SRSF11: variants seen among roughly 807,000 people sequenced by gnomAD.
SRSF11 encodes the protein serine and arginine rich splicing factor 11.
In SRSF11, 9 loss-of-function variants were observed where a neutral mutation model predicts 56.0. The ratio of observed to expected loss-of-function variants is 0.16; its 90% CI spans 0.10 to 0.28. The LOEUF (loss-of-function observed/expected upper bound fraction) is 0.28. SRSF11 is among the 10% of genes least tolerant of loss of function. SRSF11 has a pLI of 1.00. For missense variants in SRSF11, 421 were observed against 600.7 expected (o/e 0.70, Z 3.13); for synonymous variants, 222 against 215.3 (o/e 1.03, Z -0.27).
intron 2 of SRSF11, chr1:70,229,276 G>T (rs1407417269): frequency 1.6e-6 from 2 of 1,288,756 alleles, no homozygotes; most frequent in East Asian, 5.6e-5. Flanking sequence ...AGCTACAGGG[G>T]ATTCTAGACA....
chr1:70,237,501 A>G lies in SRSF11; in HGVS notation c.667A>G (p.Met223Val), dbSNP rs763296948. ...DTSSKEIEEAMKRVREAQSLI... is the reference protein window; with the variant it reads ...DTSSKEIEEAVKRVREAQSLI... ...CTCTAGTAAAGAAATAGAGGAAGCT[A>G]TGAAAAGAGTACGAGAAGCACAGTC... Residue 223 changes from methionine (M) to valine (V), a missense_variant, in exon 6 of 12, where the codon ATG (methionine) becomes GTG (valine). Coordinates refer to ENST00000370949, the MANE Select transcript of SRSF11 (RefSeq NM_001350605.2). 4 of 1,614,098 alleles carry G rather than the reference A, an allele frequency of 2.5e-6. No individual in the cohort carries two copies.
At chr1:70,248,594 G>A (rs1278987333) in intron 9 of SRSF11, 1 of 151,922 alleles carries the variant, frequency 6.6e-6, no homozygotes. Flanking sequence ...CAGGCCTGAG[G>A]GATAGGTGGC....
At chr1:70,239,686 C>T (rs561135163) in intron 7 of SRSF11, among the ~76,000 whole-genome samples, 166 bp downstream of exon 7, 3 of 152,138 alleles carry the variant, frequency 2.0e-5, no homozygotes, top group African/African-American at 4.8e-5. Context: ...GTAAGAAAAG[C>T]GACAGACGAA....
chr1:70,212,745 A>G lies in SRSF11; in HGVS notation c.-26+6965A>G, dbSNP rs1468662761. On this transcript the variant is annotated intron_variant, in intron 1 of 12. Transcript: ENST00000370950. ...TTTTACAATAATGCTATAAAGTAAG[A>G]CAAGTATTACTATTGTTAGTCATCA... Among the ~76,000 whole-genome samples the G allele has an allele frequency of 2.0e-5, 3 of 152,202 alleles. No homozygotes were observed. The East Asian group carries it at 5.8e-4, about 29-fold the overall frequency.
At chr1:70,211,909 G>A (rs1669590744) in intron 1 of SRSF11, among the ~76,000 whole-genome samples, 1 of 151,926 alleles carries the variant, frequency 6.6e-6, no homozygotes, top group Non-Finnish European at 1.5e-5. Context: ...TGACATTTTT[G>A]CTTTTCTTTT....
intron 7 of SRSF11, 119 bp downstream of exon 7, chr1:70,239,639 G>T: frequency 3.0e-6 from 2 of 665,662 alleles, no homozygotes; most frequent in Non-Finnish European, 5.0e-6. Flanking sequence ...AACCTCTGCT[G>T]TTAGAATGTG....
chr1:70,232,027 T>A, intron 2 of SRSF11: 1 of 1,519,704 alleles, frequency 6.6e-7, no homozygotes, highest in Non-Finnish European at 8.8e-7. Flanking sequence ...TTGTGCTATT[T>A]TTTTTTACTC....
At chr1:70,228,799 C>T in intron 2 of SRSF11, 1 of 1,149,992 alleles carries the variant, frequency 8.7e-7, no homozygotes, top group East Asian at 4.7e-5. Flanking sequence ...TGTTTAAAAC[C>T]ATGTCCCTTA....
intron 1 of SRSF11, among the ~76,000 whole-genome samples, chr1:70,223,399 A>G (rs1481180584): frequency 1.3e-5 from 2 of 152,222 alleles, no homozygotes; most frequent in African/African-American, 4.8e-5. Context: ...TACCTAATGC[A>G]TGACCAGTAT....
upstream of SRSF11, chr1:70,218,806 C>G (rs1379842541): frequency 6.6e-6 from 1 of 152,124 alleles, no homozygotes; most frequent in African/African-American, 2.4e-5. Context: ...TTCACAGATA[C>G]TTATTTATGA....
chr1:70,215,155 C>T (rs1370163659), intron 1 of SRSF11, among the ~76,000 whole-genome samples: 1 of 152,046 alleles, frequency 6.6e-6, no homozygotes, highest in African/African-American at 2.4e-5. Flanking sequence ...ACCTTGGCCT[C>T]CCAAAGTGCT....
chr1:70,216,434 C>CT (rs71921219), upstream of SRSF11, among the ~76,000 whole-genome samples: 584 of 141,586 alleles, frequency 4.1e-3, no homozygotes, highest in Middle Eastern at 0.011. Context: ...GGTTATTTAA[C>CT]TTTTTTTTTT....
intron 6 of SRSF11, among the ~76,000 whole-genome samples, chr1:70,238,444 C>T (rs1404746458): frequency 6.6e-6 from 1 of 152,160 alleles, no homozygotes; most frequent in African/African-American, 2.4e-5. Flanking sequence ...AATGAAATGA[C>T]TTAAATGTAA....
rs1670648064 is a variant in SRSF11, at chr1:70,221,658, C to T, written c.22C>T (p.Pro8Ser). Residue 8 changes from proline to serine, a missense_variant, in exon 1 of 12, where the codon CCC becomes TCC. Pro to Ser is a moderately conservative substitution (Grantham distance 74). Transcript: ENST00000370949. MSNTTVVPSTAGPGPSGG... is the reference protein window; with the variant it reads MSNTTVVSSTAGPGPSGG... Reference sequence around the variant, plus strand: ...CGCCATGAGCAACACTACCGTCGTCCCCAGCACTGCAGGTCCGGGCCCCAG... The same window carrying T: ...CGCCATGAGCAACACTACCGTCGTCTCCAGCACTGCAGGTCCGGGCCCCAG... The T allele has an allele frequency of 1.2e-6, 2 of 1,612,344 alleles. No individual in the cohort carries two copies. The highest frequency in any genetic ancestry group is 1.7e-6 in the Non-Finnish European group (2 of 1,178,916).
chr1:70,230,240 G>A, intron 2 of SRSF11: 1 of 999,832 alleles, frequency 1.0e-6, no homozygotes, highest in Non-Finnish European at 1.2e-6. Flanking sequence ...ACAGTATATA[G>A]AATTAGGGGA....
At position 70,250,982 on chromosome 1, in the gene SRSF11, G is replaced by A. The variant is rs1677870862; in HGVS notation, c.*177G>A. The A allele has an allele frequency of 1.7e-6, 1 of 574,356 alleles. No individual in the cohort carries two copies. Among genetic ancestry groups the A allele is most frequent in the Admixed American group, 3.2e-5 (1 of 31,444 alleles). 35.6% of individuals were successfully genotyped at this position (574,356 alleles called of 1,614,324 possible). A position where few individuals can be genotyped will look rare whatever the true frequency, so the allele number is the denominator to read the frequency against. On this transcript the variant is annotated 3_prime_UTR_variant, in exon 12 of 12. Transcript: ENST00000370949. ...TTACATCAAAAAGCTTTTAGAAAAT[G>A]GTACGAGGTAACCAATTCTTGTCAT...
At chr1:70,208,975 C>T (rs1669303609) in intron 1 of SRSF11, among the ~76,000 whole-genome samples, 1 of 152,146 alleles carries the variant, frequency 6.6e-6, no homozygotes, top group African/African-American at 2.4e-5. Context: ...AGGCTGGAGA[C>T]TACTGCATAG....
At chr1:70,224,576 A>G (rs1378457406) in intron 1 of SRSF11, among the ~76,000 whole-genome samples, 2 of 152,102 alleles carry the variant, frequency 1.3e-5, no homozygotes, top group African/African-American at 2.4e-5. Context: ...CTGAATGCCT[A>G]TTTTGGGGAA....
In SRSF11 at chr1:70,251,018, G is replaced by A. The variant is rs116597080; in HGVS notation, c.*213G>A. On this transcript the variant is annotated 3_prime_UTR_variant, in exon 12 of 12. Coordinates refer to ENST00000370949, the MANE Select transcript of SRSF11 (RefSeq NM_001350605.2). The stretch of plus-strand genomic sequence containing the variant: ...ACCAATTCTTGTCATGGTGAAATCT[G>A]ATTGAGTAACCAAGCAGTTTTACTA... 1.3e-3 allele frequency: 647 copies of A among 495,134 alleles called. 1 individual carries two copies. Among genetic ancestry groups the A allele is most frequent in the Middle Eastern group, 7.1e-3 (13 of 1,832 alleles). 30.7% of individuals were successfully genotyped at this position (495,134 alleles called of 1,614,324 possible). A position where few individuals can be genotyped will look rare whatever the true frequency, so the allele number is the denominator to read the frequency against.
Sources: allele counts gnomAD v4.1 joint callset (sites outside exome capture counted in the v4.1 genomes callset), GRCh38; gene constraint gnomAD v4.1.1; transcripts MANE v1.5; gene names NCBI Gene and HGNC (gene_info 2026-07-23, HGNC 2026-07-21).